Variants in NAV2 observed in about 807,000 individuals in gnomAD.
The protein encoded by NAV2 is helicase, APC down-regulated 1.
In NAV2, 54 loss-of-function variants were observed where a neutral mutation model predicts 223.2. The ratio of observed to expected loss-of-function variants is 0.24; its 90% CI spans 0.19 to 0.30. NAV2 has a LOEUF of 0.30. Ranked by LOEUF, NAV2 falls within the 10% of genes least tolerant of loss-of-function variation. NAV2 has a pLI of 1.00. For missense variants in NAV2, 2,806 were observed against 3,147.5 expected (o/e 0.89, Z 2.60); for synonymous variants, 1,279 against 1,239.3 (o/e 1.03, Z -0.67).
chr11:19,780,244 C>T (rs2056622617), intron 1 of NAV2, among the ~76,000 whole-genome samples: 1 of 152,136 alleles, frequency 6.6e-6, no homozygotes, highest in African/African-American at 2.4e-5. Flanking sequence ...GGTCACAGGC[C>T]TTTGATGAAA....
intron 1 of NAV2, among the ~76,000 whole-genome samples, chr11:19,661,374 T>G (rs1443800909): frequency 1.3e-5 from 2 of 152,216 alleles, no homozygotes; most frequent in Non-Finnish European, 2.9e-5. Context: ...GTTGCTTCTA[T>G]ATTTTGGCTA....
At chr11:19,416,022 C>A (rs1349771441) in intron 1 of NAV2, among the ~76,000 whole-genome samples, 2 of 152,038 alleles carry the variant, frequency 1.3e-5, no homozygotes, top group African/African-American at 4.8e-5. Flanking sequence ...GCATTCCCTT[C>A]GAAAACCCAC....
At chr11:19,426,502 T>C (rs1271781260) in intron 1 of NAV2, among the ~76,000 whole-genome samples, 1 of 152,156 alleles carries the variant, frequency 6.6e-6, no homozygotes, top group Non-Finnish European at 1.5e-5. Context: ...TACAAAGATA[T>C]TCCCTTGCCA....
chr11:19,896,929 C>A (rs2042030219), intron 6 of NAV2, among the ~76,000 whole-genome samples: 1 of 152,154 alleles, frequency 6.6e-6, no homozygotes, highest in Non-Finnish European at 1.5e-5. Context: ...AAGACACATG[C>A]ACACATATGT....
intron 1 of NAV2, among the ~76,000 whole-genome samples, chr11:19,567,475 C>T (rs1565057135): frequency 6.6e-6 from 1 of 152,204 alleles, no homozygotes; most frequent in Non-Finnish European, 1.5e-5. Flanking sequence ...CTTTTCCCAT[C>T]AGCACTGTCC....
At chr11:19,631,045 C>T (rs1334770279) in intron 1 of NAV2, among the ~76,000 whole-genome samples, 2 of 146,924 alleles carry the variant, frequency 1.4e-5, no homozygotes, top group African/African-American at 2.5e-5. Context: ...ATATTTATTA[C>T]AAAAATGGCC....
chr11:20,028,581 G>C (rs1234204000), intron 11 of NAV2, among the ~76,000 whole-genome samples: 1 of 152,200 alleles, frequency 6.6e-6, no homozygotes, highest in Admixed American at 6.5e-5. Context: ...TACTATAGCT[G>C]TGCGCTACAA....
intron 1 of NAV2, among the ~76,000 whole-genome samples, chr11:19,587,327 G>T (rs947008439): frequency 6.6e-6 from 1 of 152,162 alleles, no homozygotes; most frequent in South Asian, 2.1e-4. Context: ...TGCACATCCC[G>T]GGTGAGGCGA....
rs771458474 is a variant in NAV2, at chr11:19,868,918, C to A, written c.439-7C>A. 1.2e-5 allele frequency: 19 copies of A among 1,613,258 alleles called. No individual in the cohort carries two copies. The highest frequency in any genetic ancestry group is 1.3e-5 in the Non-Finnish European group (15 of 1,179,536). ...ATTAAGTATATATTGTTGTTTTTCC[C>A]TCCTAGATTGAAAACATAGATGCCT... is the stretch of plus-strand genomic sequence containing the variant. On this transcript the variant is annotated splice_region_variant and splice_polypyrimidine_tract_variant and intron_variant, in intron 3 of 37. Coordinates refer to ENST00000349880, the MANE Select transcript of NAV2 (RefSeq NM_145117.5).
At chr11:19,950,702 C>T (rs1250250719) in intron 10 of NAV2, among the ~76,000 whole-genome samples, 5 of 152,194 alleles carry the variant, frequency 3.3e-5, no homozygotes, top group African/African-American at 7.2e-5. Flanking sequence ...AAAATTTCCC[C>T]TTTACCCTCT....
intron 36 of NAV2, among the ~76,000 whole-genome samples, chr11:20,108,872 GC>G (rs2062394541): frequency 6.6e-6 from 1 of 152,210 alleles, no homozygotes; most frequent in Admixed American, 6.5e-5. Flanking sequence ...AGTTCTGTAG[GC>G]TTTTAACACT....
chr11:19,675,648 C>CT (rs1230176816), intron 1 of NAV2, among the ~76,000 whole-genome samples: 2 of 152,312 alleles, frequency 1.3e-5, no homozygotes, highest in Non-Finnish European at 2.9e-5. Context: ...AAGCTTCCTT[C>CT]TATGCGCCAA....
intron 36 of NAV2, among the ~76,000 whole-genome samples, chr11:20,113,068 A>G (rs2062773478): frequency 1.3e-5 from 2 of 152,176 alleles, no homozygotes; most frequent in Non-Finnish European, 2.9e-5. Flanking sequence ...TCTCTGCAGA[A>G]CTACAGGTGA....
chr11:19,878,959 G>T (rs2063029266), intron 4 of NAV2, among the ~76,000 whole-genome samples: 1 of 152,062 alleles, frequency 6.6e-6, no homozygotes, highest in Non-Finnish European at 1.5e-5. Flanking sequence ...ACCCATCCTA[G>T]GATGACAGGA....
At chr11:19,925,362 GT>G (rs2044647765) in intron 6 of NAV2, among the ~76,000 whole-genome samples, 1 of 152,152 alleles carries the variant, frequency 6.6e-6, no homozygotes, top group South Asian at 2.1e-4. Context: ...AAGTCATGAG[GT>G]TTTGCCCTAT....
At position 19,776,632 on chromosome 11, in the gene NAV2, A is replaced by AT. The variant is rs766884791; in HGVS notation, c.268-55851dup. 1.9e-3 allele frequency among the ~76,000 whole-genome samples: 124 copies of AT among 64,658 alleles called. 3 individuals are homozygous for AT. Among genetic ancestry groups the AT allele is most frequent in the Non-Finnish European group, 2.9e-3 (94 of 32,394 alleles). The allele number at this position is 64,658 out of a possible 152,430, so 42.4% of individuals were successfully genotyped here. On this transcript the variant is annotated intron_variant, in intron 1 of 37. Transcript: ENST00000349880. The stretch of plus-strand genomic sequence containing the variant: ...TGGTTAGAGTTGTGGGGGTCAGAAA[A>AT]TGTGTGTGTGTGTGTGTGTGTGTGT...
intron 3 of NAV2, among the ~76,000 whole-genome samples, chr11:19,856,550 T>C (rs891578938): frequency 2.0e-5 from 3 of 152,224 alleles, no homozygotes; most frequent in Non-Finnish European, 1.5e-5. Context: ...TACAACTAGC[T>C]TTTGAAATAA....
At chr11:19,721,870 T>C (rs2050774199) in intron 1 of NAV2, among the ~76,000 whole-genome samples, 1 of 152,220 alleles carries the variant, frequency 6.6e-6, no homozygotes, top group Admixed American at 6.5e-5. Flanking sequence ...TAACTCTCAA[T>C]TAGGAAAAAT....
intron 1 of NAV2, among the ~76,000 whole-genome samples, chr11:19,463,427 A>G (rs1158216337): frequency 6.6e-6 from 1 of 152,222 alleles, no homozygotes; most frequent in Non-Finnish European, 1.5e-5. Context: ...ATCATTTCAC[A>G]CTGAGCTCAA....
Sources: gnomAD v4.1 joint callset for allele counts (sites outside exome capture counted in the v4.1 genomes callset) on GRCh38, gnomAD v4.1.1 for gene constraint, MANE v1.5 for transcripts, NCBI Gene and HGNC (gene_info 2026-07-23, HGNC 2026-07-21) for gene names.